Variants in NEBL observed in about 807,000 individuals in gnomAD.
NEBL encodes LIM and SH3 protein 2.
NEBL carries 122 observed loss-of-function variants against 140.2 expected under a neutral mutation model. The observed-to-expected ratio is 0.87, with a 90% CI of 0.75 to 1.01. The LOEUF (loss-of-function observed/expected upper bound fraction) is 1.01. Ranked by LOEUF, NEBL falls within the 50% of genes least tolerant of loss-of-function variation. NEBL has a pLI of 0.00. For missense variants in NEBL, 1,365 were observed against 1,231.3 expected (o/e 1.11, Z -1.62); for synonymous variants, 436 against 398.9 (o/e 1.09, Z -1.11).
intron 3 of NEBL, among the ~76,000 whole-genome samples, chr10:21,186,889 C>T (rs1435485692): frequency 6.6e-6 from 1 of 151,654 alleles, no homozygotes; most frequent in African/African-American, 2.4e-5. Context: ...AAAGCCTGTA[C>T]ATGTTCAGTA....
intron 4 of NEBL, among the ~76,000 whole-genome samples, chr10:20,956,373 C>CT (rs1420221840): frequency 2.6e-5 from 4 of 151,884 alleles, no homozygotes; most frequent in Admixed American, 2.0e-4. Context: ...ATCACTTTCT[C>CT]TTTTTTTTAA....
intron 1 of NEBL, among the ~76,000 whole-genome samples, chr10:21,254,851 T>C (rs954471721): frequency 6.6e-6 from 1 of 152,048 alleles, no homozygotes; most frequent in East Asian, 1.9e-4. Flanking sequence ...GGGGCTTGTG[T>C]CTTACTTCCT....
At chr10:21,018,790 G>A (rs978632155) in intron 3 of NEBL, among the ~76,000 whole-genome samples, 1 of 152,174 alleles carries the variant, frequency 6.6e-6, no homozygotes, top group Admixed American at 6.5e-5. Context: ...AGCACTTTGG[G>A]AGGCCGAGGC....
chr10:20,862,076 G>A (rs576207500), intron 7 of NEBL, among the ~76,000 whole-genome samples: 21 of 152,244 alleles, frequency 1.4e-4, no homozygotes, highest in Non-Finnish European at 2.8e-4. Context: ...GTGAAAGGCA[G>A]AATCATTATA....
intron 12 of NEBL, among the ~76,000 whole-genome samples, chr10:20,842,600 A>T (rs1328526140): frequency 6.6e-6 from 1 of 152,100 alleles, no homozygotes; most frequent in Non-Finnish European, 1.5e-5. Flanking sequence ...AAAAATTCTT[A>T]TTGGAAGTTG....
intron 1 of NEBL, among the ~76,000 whole-genome samples, chr10:21,253,361 T>G (rs1280011612): frequency 6.6e-6 from 1 of 151,620 alleles, no homozygotes; most frequent in East Asian, 1.9e-4. Flanking sequence ...TAGAGAGAGA[T>G]TTATAGGTAC....
rs1835207635 is a variant in NEBL, at chr10:20,784,152, C to A, written c.*1595G>T. 1 of 152,150 alleles carries A rather than the reference C, an allele frequency of 6.6e-6. No homozygotes were observed. Among genetic ancestry groups the A allele is most frequent in the African/African-American group, 2.4e-5 (1 of 41,448 alleles). The allele number at this position is 152,150 out of a possible 1,614,324, so 9.4% of individuals were successfully genotyped here. A position where few individuals can be genotyped will look rare whatever the true frequency, so the allele number is the denominator to read the frequency against. ...CATATAAGGCAGATATCCCCAAGAC[C>A]CGTACATCTTAGTACTTTTTTGCAG... On this transcript the variant is annotated 3_prime_UTR_variant, in exon 28 of 28. Coordinates refer to ENST00000377122, the MANE Select transcript of NEBL (RefSeq NM_006393.3).
chr10:20,985,509 C>T (rs991240852), intron 3 of NEBL, among the ~76,000 whole-genome samples: 1 of 151,892 alleles, frequency 6.6e-6, no homozygotes, highest in Non-Finnish European at 1.5e-5. Flanking sequence ...TATAAAATAC[C>T]AGAACATGGA....
At chr10:21,003,559 A>G (rs1407165089) in intron 3 of NEBL, among the ~76,000 whole-genome samples, 1 of 152,138 alleles carries the variant, frequency 6.6e-6, no homozygotes, top group East Asian at 1.9e-4. Flanking sequence ...CTGTATCCCT[A>G]CTGGTACCTA....
At chr10:21,280,920 T>A (rs906283010) in intron 1 of NEBL, among the ~76,000 whole-genome samples, 6 of 152,100 alleles carry the variant, frequency 3.9e-5, no homozygotes, top group Non-Finnish European at 8.8e-5. Context: ...CAGCCAAGCA[T>A]TGTAGATTTT....
At chr10:21,030,890 C>G in intron 2 of NEBL, 1 of 265,816 alleles carries the variant, frequency 3.8e-6, no homozygotes, top group South Asian at 4.5e-5. Flanking sequence ...TGGCACTCAC[C>G]AATCAAAAAT....
intron 3 of NEBL, among the ~76,000 whole-genome samples, chr10:20,967,281 T>G (rs67403859): frequency 0.097 from 14,722 of 152,054 alleles, 1,068 homozygotes; most frequent in African/African-American, 0.21. Flanking sequence ...GAATCATGGA[T>G]CTATGTGGAT....
At chr10:21,102,376 G>A (rs556851601) in intron 2 of NEBL, among the ~76,000 whole-genome samples, 3 of 152,266 alleles carry the variant, frequency 2.0e-5, no homozygotes, top group African/African-American at 7.2e-5. Context: ...GATAATGGAC[G>A]TTTTCATCAT....
chr10:21,155,814 C>G (rs1840316981), intron 2 of NEBL, among the ~76,000 whole-genome samples: 1 of 152,206 alleles, frequency 6.6e-6, no homozygotes, highest in Admixed American at 6.5e-5. Flanking sequence ...CGTGTTTCCA[C>G]TTATTGAGCT....
chr10:20,807,333 A>G (rs1837699655), intron 26 of NEBL, among the ~76,000 whole-genome samples: 1 of 152,168 alleles, frequency 6.6e-6, no homozygotes, highest in Non-Finnish European at 1.5e-5. Context: ...CAAAAAAGTA[A>G]TCAGAAGTTA....
chr10:21,192,378 G>A (rs975928436), intron 3 of NEBL, among the ~76,000 whole-genome samples: 12 of 151,384 alleles, frequency 7.9e-5, no homozygotes, highest in Non-Finnish European at 1.8e-4. Flanking sequence ...AATTTTAGTA[G>A]AGATGGGGTT....
At chr10:21,241,489 A>T (rs2132264690) in intron 3 of NEBL, among the ~76,000 whole-genome samples, 1 of 152,294 alleles carries the variant, frequency 6.6e-6, no homozygotes, top group African/African-American at 2.4e-5. Context: ...TTTGCAATGA[A>T]GTCAACTCAG....
chr10:21,151,548 C>G (rs1051353568), intron 2 of NEBL, among the ~76,000 whole-genome samples: 1 of 152,174 alleles, frequency 6.6e-6, no homozygotes, highest in Non-Finnish European at 1.5e-5. Context: ...CATCACGTCA[C>G]TCCTCTGCTC....
At chr10:20,938,088 G>A (rs1041770359) in intron 4 of NEBL, among the ~76,000 whole-genome samples, 30 of 152,334 alleles carry the variant, frequency 2.0e-4, no homozygotes, top group African/African-American at 6.5e-4. Context: ...TTTGAAGACA[G>A]TAGTGGTTCT....
Sources: gnomAD v4.1 joint callset for allele counts (sites outside exome capture counted in the v4.1 genomes callset) on GRCh38, gnomAD v4.1.1 for gene constraint, MANE v1.5 for transcripts, NCBI Gene and HGNC (gene_info 2026-07-23, HGNC 2026-07-21) for gene names.